Variants in SALL1 observed in about 807,000 individuals in gnomAD.
The protein encoded by SALL1 is spalt like transcription factor 1, also known as sal-like protein 1.
Under a neutral mutation model 73.1 loss-of-function variants are expected in SALL1, and 10 were observed. That is an observed-to-expected ratio of 0.14 (90% CI 0.08 to 0.23). The LOEUF is 0.23. Ranked by LOEUF, SALL1 falls within the 10% of genes least tolerant of loss-of-function variation. SALL1 has a pLI of 1.00. For synonymous variants in SALL1, 688 were observed against 689.8 expected, an observed-to-expected ratio of 1.00 and a Z score of 0.04; for missense variants, 1,520 against 1,697.3, an observed-to-expected ratio of 0.90 and a Z score of 1.84.
intron 1 of SALL1, among the ~76,000 whole-genome samples, chr16:51,145,026 T>C (rs1962494342): frequency 6.6e-6 from 1 of 151,790 alleles, no homozygotes; most frequent in East Asian, 1.9e-4. Context: ...CAGGTGTCGC[T>C]ACACTGCAAT....
chr16:51,146,431 G>A (rs1401693920), intron 1 of SALL1, among the ~76,000 whole-genome samples: 3 of 150,290 alleles, frequency 2.0e-5, no homozygotes, highest in East Asian at 4.0e-4. Flanking sequence ...GCAGTGACGC[G>A]TAAAAAAGAG....
Position 51,139,857 on chromosome 16 carries a change from T to C in SALL1, c.2365A>G (p.Met789Val), listed in dbSNP as rs750457909. ...VVLQQHIRMH[M>V]GGQIPNTPVP... ...GGGGTGTTGGGGATCTGGCCTCCCA[T>C]ATGCATTCGGATGTGCTGCTGCAGG... is the stretch of plus-strand genomic sequence containing the variant. Residue 789 changes from methionine (M) to valine (V), a missense_variant, in exon 2 of 3, where the codon ATG becomes GTG. Around this residue, in one of 7 missense-constraint regions of SALL1, gnomAD observed 266 missense variants for 275.1 expected, o/e 0.97. Coordinates refer to ENST00000251020, the MANE Select transcript of SALL1 (RefSeq NM_002968.3). The C allele has an allele frequency of 3.7e-6, 6 of 1,614,196 alleles. No individual in the cohort carries two copies. The highest frequency in any genetic ancestry group is 2.2e-5 in the East Asian group (1 of 44,886).
rs1962308110 is a variant in SALL1, at chr16:51,136,854, A to T, written c.*258T>A. 4.0e-6 allele frequency: 2 copies of T among 503,210 alleles called. No homozygotes were observed. Among genetic ancestry groups the T allele is most frequent in the Non-Finnish European group, 7.2e-6 (2 of 279,700 alleles). The allele number at this position is 503,210 out of a possible 1,614,324, so 31.2% of individuals were successfully genotyped here. ...CAAGTTTACAGCACTCTAGTCAATT[A>T]GTATTTAGTCCAAAATACAGAAGAC... On this transcript the variant is annotated 3_prime_UTR_variant, in exon 3 of 3. Coordinates refer to ENST00000251020, the MANE Select transcript of SALL1 (RefSeq NM_002968.3).
chr16:51,147,413 T>G (rs1962534019), intron 1 of SALL1, among the ~76,000 whole-genome samples: 1 of 152,206 alleles, frequency 6.6e-6, no homozygotes, highest in East Asian at 1.9e-4. Flanking sequence ...TGATTAAACA[T>G]GAATTCTTTC....
chr16:51,148,644 T>C (rs1018014084), intron 1 of SALL1, among the ~76,000 whole-genome samples: 1 of 152,218 alleles, frequency 6.6e-6, no homozygotes, highest in Non-Finnish European at 1.5e-5. Flanking sequence ...AAGGTAACCT[T>C]GAGTTATGTC....
In SALL1 at chr16:51,142,163, G is replaced by A. The variant is rs1177787234; in HGVS notation, c.77-18C>T. 4 of 1,593,778 alleles carry A rather than the reference G, an allele frequency of 2.5e-6. No homozygotes were observed. Among genetic ancestry groups the A allele is most frequent in the Non-Finnish European group, 2.6e-6 (3 of 1,163,932 alleles). ...TGTGTCTCCTACAAATGTCAAAAAG[G>A]TGCAGGATTAGAAAAGGGGCCAGGA... On this transcript the variant is annotated intron_variant, in intron 1 of 2. Transcript: ENST00000251020.
intron 2 of SALL1, 28 bp downstream of exon 2, chr16:51,138,660 C>T (rs2143435937): frequency 1.3e-6 from 2 of 1,594,494 alleles, no homozygotes; most frequent in South Asian, 2.3e-5. Flanking sequence ...GTTGATGGAG[C>T]AGGTATGGTG....
intron 1 of SALL1, among the ~76,000 whole-genome samples, chr16:51,147,062 A>C (rs1226831563): frequency 1.3e-5 from 2 of 152,188 alleles, no homozygotes. Flanking sequence ...CTCCACCATA[A>C]AAATGTGGAG....
At chr16:51,137,594 G>C (rs925830386) in intron 2 of SALL1, 42 bp from the exon 3 acceptor site, 3 of 1,471,630 alleles carry the variant, frequency 2.0e-6, no homozygotes, top group Admixed American at 3.6e-5. Context: ...GAGAGAGAGA[G>C]AGAAAAAAAA....
chr16:51,147,205 G>A (rs1395738721), intron 1 of SALL1, among the ~76,000 whole-genome samples: 2 of 152,256 alleles, frequency 1.3e-5, no homozygotes, highest in South Asian at 2.1e-4. Context: ...GAAATGTGAT[G>A]TAAAATAAAC....
Position 51,141,371 on chromosome 16 carries a change from G to C in SALL1, c.851C>G (p.Thr284Arg). The change falls in exon 2 of 3, where the codon ACG becomes AGG. Residue 284 changes from threonine to arginine, a missense_variant. By Grantham distance (71) the Thr-to-Arg change is moderately conservative. Transcript: ENST00000251020. This position sits in a 1 kb window ranked among gnomAD's most constrained non-coding sequence, Gnocchi z 5.4. The part of the protein sequence containing the change: ...TLRTSANPLS[T>R]LSSHLSQQLA... ...CTGCTGAGATAAATGGGAACTTAGC[G>C]TGGACAAGGGGTTGGCAGATGTTCG... is the stretch of plus-strand genomic sequence containing the variant. 1 of 1,613,850 alleles carries C rather than the reference G, an allele frequency of 6.2e-7. No individual in the cohort carries two copies. Among genetic ancestry groups the C allele is most frequent in the Non-Finnish European group, 8.5e-7 (1 of 1,180,040 alleles).
At chr16:51,150,826 T>G in intron 1 of SALL1, 1 of 230,962 alleles carries the variant, frequency 4.3e-6, no homozygotes, top group Non-Finnish European at 8.3e-6. Context: ...CCACGCCTCA[T>G]GGGGCTCCCG....
At position 51,138,310 on chromosome 16, in the gene SALL1, C is replaced by T. The variant is rs150037093; in HGVS notation, c.3534+378G>A. Among the ~76,000 whole-genome samples, 10 of 152,202 alleles carry T rather than the reference C, an allele frequency of 6.6e-5. No individual in the cohort carries two copies. In the East Asian group the frequency reaches 1.7e-3, roughly 26 times the overall value. The stretch of plus-strand genomic sequence containing the variant: ...CGAGAACCCTAATTATTAAGTGATA[C>T]GGGCAGCACACAGGCCACGTGGAGG... On this transcript the variant is annotated intron_variant, in intron 2 of 2. Coordinates refer to ENST00000251020, the MANE Select transcript of SALL1 (RefSeq NM_002968.3).
chr16:51,141,807 T>C lies in SALL1; in HGVS notation c.415A>G (p.Thr139Ala). 6.2e-7 allele frequency: 1 copy of C among 1,613,796 alleles called. No individual in the cohort carries two copies. Among genetic ancestry groups the C allele is most frequent in the Non-Finnish European group, 8.5e-7 (1 of 1,179,956 alleles). Residue 139 changes from threonine (T) to alanine (A), a missense_variant, in exon 2 of 3, where the codon ACT (threonine) becomes GCT (alanine). Physicochemically the swap from Thr to Ala is moderately conservative, Grantham distance 58 (BLOSUM62 0). Coordinates refer to ENST00000251020, the MANE Select transcript of SALL1 (RefSeq NM_002968.3). The surrounding 1 kb of genome is among the most constrained non-coding windows in gnomAD (Gnocchi z 5.4). Reference protein sequence around the residue: ...APVANKSGSGTSSGSHSSTAP... With the variant: ...APVANKSGSGASSGSHSSTAP... ...GTACTGCTGTGGCTGCCGCTGGAAG[T>C]GCCGCTGCCGCTTTTGTTAGCAACC...
At position 51,139,893 on chromosome 16, in the gene SALL1, T is replaced by A; in HGVS notation, c.2329A>T (p.Asn777Tyr). 2 of 1,614,198 alleles carry A rather than the reference T, an allele frequency of 1.2e-6. No individual in the cohort carries two copies. The highest frequency in any genetic ancestry group is 1.7e-6 in the Non-Finnish European group (2 of 1,180,034). Residue 777 changes from asparagine (N) to tyrosine (Y), a missense_variant, in exon 2 of 3, where the codon AAC (asparagine) becomes TAC (tyrosine). Coordinates refer to ENST00000251020, the MANE Select transcript of SALL1 (RefSeq NM_002968.3). ...ATGTGCTGCTGCAGGACCACAGCGT[T>A]CGTGAACTTCTTCTGGCAGATGGGG... The part of the protein sequence containing the change: ...SCPICQKKFT[N>Y]AVVLQQHIRM...
chr16:51,148,046 C>T lies in SALL1; in HGVS notation c.76+3120G>A, dbSNP rs146997607. On this transcript the variant is annotated intron_variant, in intron 1 of 2. Transcript: ENST00000251020. ...GGTTTCATAAGAAGCAGAAAAATTA[C>T]CAAGTTTAGAGTGTTTCTGGCATAG... is the stretch of plus-strand genomic sequence containing the variant. 5.6e-3 allele frequency among the ~76,000 whole-genome samples: 847 copies of T among 152,260 alleles called. 7 individuals carry two copies. The highest frequency in any genetic ancestry group is 0.019 in the African/African-American group (795 of 41,546).
At position 51,140,648 on chromosome 16, in the gene SALL1, C is replaced by G; in HGVS notation, c.1574G>C (p.Gly525Ala). Residue 525 changes from glycine (G) to alanine (A), a missense_variant, in exon 2 of 3, where the codon GGC becomes GCC. Coordinates refer to ENST00000251020, the MANE Select transcript of SALL1 (RefSeq NM_002968.3). This position sits in a 1 kb window ranked among gnomAD's most constrained non-coding sequence, Gnocchi z 5.7. ...AGGGATGGACATGCCATATGGGATG[C>G]CAGTACTCGTGGGGATATTGTCCAA... is the stretch of plus-strand genomic sequence containing the variant. The part of the protein sequence containing the change: ...EHLDNIPTST[G>A]IPYGMSIPPE... 1 of 1,614,082 alleles carries G rather than the reference C, an allele frequency of 6.2e-7. No individual in the cohort carries two copies. The highest frequency in any genetic ancestry group is 1.3e-5 in the African/African-American group (1 of 75,016).
At chr16:51,143,082 C>T (rs2143456103) in intron 1 of SALL1, 1 of 160,136 alleles carries the variant, frequency 6.2e-6, no homozygotes, top group East Asian at 1.9e-4. Context: ...GTGCTCCCAT[C>T]TCCTAAGAAA....
chr16:51,149,021 A>G (rs1962557449), intron 1 of SALL1, among the ~76,000 whole-genome samples: 1 of 152,196 alleles, frequency 6.6e-6, no homozygotes, highest in African/African-American at 2.4e-5. Flanking sequence ...AGGAAGAGAA[A>G]GAAATCAAAA....
Sources: allele counts gnomAD v4.1 joint callset (sites outside exome capture counted in the v4.1 genomes callset), GRCh38; gene constraint gnomAD v4.1.1; regional missense constraint gnomAD v4.1.1; non-coding constraint Gnocchi (gnomAD v3.1); transcripts MANE v1.5; gene names NCBI Gene and HGNC (gene_info 2026-07-23, HGNC 2026-07-21).